The following LRRC41 variants were observed in gnomAD, a reference collection of about 807,000 sequenced individuals.
LRRC41 encodes the protein leucine-rich repeat-containing protein 41.
Under a neutral mutation model 72.1 loss-of-function variants are expected in LRRC41, and 17 were observed. The observed-to-expected ratio is 0.24, with a 90% CI of 0.16 to 0.35. The LOEUF (loss-of-function observed/expected upper bound fraction) is 0.35. LRRC41 is among the 10% of genes least tolerant of loss of function. The probability of loss-of-function intolerance (pLI) is 1.00; values close to 1 mark genes in which losing one functional copy is unlikely to be tolerated. For missense variants in LRRC41, 759 were observed against 1,065.0 expected, an observed-to-expected ratio of 0.71 and a Z score of 4.00; for synonymous variants, 427 against 431.0, an observed-to-expected ratio of 0.99 and a Z score of 0.11.
In LRRC41 at chr1:46,303,413, G is replaced by T; in HGVS notation, c.-91C>A. 8.5e-7 allele frequency: 1 copy of T among 1,171,946 alleles called. No individual in the cohort carries two copies. Among genetic ancestry groups the T allele is most frequent in the Non-Finnish European group, 1.2e-6 (1 of 862,160 alleles). The allele number at this position is 1,171,946 out of a possible 1,614,324, so 72.6% of individuals were successfully genotyped here. A position where few individuals can be genotyped will look rare whatever the true frequency, so the allele number is the denominator to read the frequency against. On this transcript the variant is annotated 5_prime_UTR_variant, in exon 1 of 10. Coordinates refer to ENST00000617190, the MANE Select transcript of LRRC41 (RefSeq NM_006369.5). ...AGGACGGCTCCATAAGCGATATGGG[G>T]AAGAATGTGAATTATTCTAAAGAAA...
chr1:46,296,271 G>C (rs1661124767), intron 3 of LRRC41, among the ~76,000 whole-genome samples: 1 of 152,168 alleles, frequency 6.6e-6, no homozygotes, highest in Non-Finnish European at 1.5e-5. Context: ...AAAAAAATTA[G>C]CTGGGTGTGG....
rs772091919 is a variant in LRRC41, at chr1:46,286,807, G to T, written c.358-308C>A. Among the ~76,000 whole-genome samples, 5 of 152,062 alleles carry T rather than the reference G, an allele frequency of 3.3e-5. No homozygotes were observed. Among genetic ancestry groups the T allele is most frequent in the Non-Finnish European group, 7.4e-5 (5 of 68,006 alleles). On this transcript the variant is annotated intron_variant, in intron 3 of 9. Coordinates refer to ENST00000617190, the MANE Select transcript of LRRC41 (RefSeq NM_006369.5). This position sits in a 1 kb window ranked among gnomAD's most constrained non-coding sequence, Gnocchi z 5.5. Reference sequence around the variant, plus strand: ...GTAAGTTCTTCCATGTTTGTTTCTAGAACCTTATCCCAATTTTTTTTTTCT... The same window carrying T: ...GTAAGTTCTTCCATGTTTGTTTCTATAACCTTATCCCAATTTTTTTTTTCT...
chr1:46,299,149 A>C (rs1403538516), intron 1 of LRRC41: 1 of 152,258 alleles, frequency 6.6e-6, no homozygotes, highest in Non-Finnish European at 1.5e-5. Flanking sequence ...TAGTGTCTAA[A>C]GGGTTTGGCC....
chr1:46,279,529 G>A lies in LRRC41; in HGVS notation c.2106C>T (p.Ser702=), dbSNP rs1161482785. 1.9e-6 allele frequency: 3 copies of A among 1,614,228 alleles called. No individual in the cohort carries two copies. The highest frequency in any genetic ancestry group is 2.5e-6 in the Non-Finnish European group (3 of 1,180,034). The stretch of plus-strand genomic sequence containing the variant: ...CTGGCAGCCGGAGGCCCTTCAGTGT[G>A]GAGTTGCCCTTCATAGCAGCAACCA... The part of the protein sequence containing the change: ...PEMVAAMKGN[S]TLKGLRLPGN... Residue 702 remains serine, a synonymous_variant, in exon 8 of 10, where the codon TCC becomes TCT. Transcript: ENST00000617190. This position sits in a 1 kb window ranked among gnomAD's most constrained non-coding sequence, Gnocchi z 4.5.
At chr1:46,298,259 GAGAA>G (rs765430172) in intron 2 of LRRC41, 21 bp downstream of exon 2, 1 of 1,479,344 alleles carries the variant, frequency 6.8e-7, no homozygotes, top group Admixed American at 1.8e-5. Context: ...ATCATTGACT[GAGAA>G]AGAGACAGAA....
rs1322059591 is a variant in LRRC41 at position 46,279,113 on chromosome 1, A to G, written c.2220-29T>C. 2 of 1,610,200 alleles carry G rather than the reference A, an allele frequency of 1.2e-6. No homozygotes were observed. Among genetic ancestry groups the G allele is most frequent in the Non-Finnish European group, 1.7e-6 (2 of 1,177,324 alleles). ...GTAGGGTGAGATGGATTAGATATCC[A>G]GGAAGCAGTGAATTCCTGGTCTATA... On this transcript the variant is annotated intron_variant, in intron 9 of 9. Coordinates refer to ENST00000617190, the MANE Select transcript of LRRC41 (RefSeq NM_006369.5). This position sits in a 1 kb window ranked among gnomAD's most constrained non-coding sequence, Gnocchi z 4.5.
Position 46,286,145 on chromosome 1 carries a change from G to C in LRRC41, c.712C>G (p.Pro238Ala). 3 of 1,614,240 alleles carry C rather than the reference G, an allele frequency of 1.9e-6. No homozygotes were observed. The highest frequency in any genetic ancestry group is 2.5e-6 in the Non-Finnish European group (3 of 1,180,032). Residue 238 changes from proline (P) to alanine (A), a missense_variant, in exon 4 of 10, where the codon CCT becomes GCT. Physicochemically the swap from Pro to Ala is conservative, Grantham distance 27. Transcript: ENST00000617190. The surrounding 1 kb of genome is among the most constrained non-coding windows in gnomAD (Gnocchi z 5.5). Reference sequence around the variant, plus strand: ...ATAAGGATGAAAAGGGCTGACTCAGGCACAGGCCAGGAGTATAGCGACACT... The same window carrying C: ...ATAAGGATGAAAAGGGCTGACTCAGCCACAGGCCAGGAGTATAGCGACACT... ...SQVSLYSWPVPESALFILILT... is the reference protein window; with the variant it reads ...SQVSLYSWPVAESALFILILT...
In LRRC41 at chr1:46,281,480, A is replaced by G. The variant is rs137938689; in HGVS notation, c.1496-95T>C. ...CTCCAAATACTTTTGGTTACTAGCA[A>G]ATCTCTTGGGCTTTGGCTCAGCTTA... On this transcript the variant is annotated intron_variant, in intron 4 of 9. Transcript: ENST00000617190. 22 of 1,222,332 alleles carry G rather than the reference A, an allele frequency of 1.8e-5. No individual in the cohort carries two copies. The East Asian group carries it at 5.2e-4, about 29-fold the overall frequency. The allele number at this position is 1,222,332 out of a possible 1,614,324, so 75.7% of individuals were successfully genotyped here.
rs1291641509 is a variant in LRRC41, at chr1:46,281,325, C to A, written c.1556G>T (p.Gly519Val). ...DSLRALSGQA[G>V]CRLRALHLSD... ...GAGATGCAGGGCACGGAGGCGACAT[C>A]CAGCCTGGCCTGACAGGGCCCGCAG... The change falls in exon 5 of 10, where the codon GGA becomes GTA. Residue 519 changes from glycine to valine, a missense_variant. Around this residue, in one of 4 missense-constraint regions of LRRC41, gnomAD observed 427 missense variants for 520.9 expected, o/e 0.82. Transcript: ENST00000617190. 1 of 1,614,156 alleles carries A rather than the reference C, an allele frequency of 6.2e-7. No homozygotes were observed. Among genetic ancestry groups the A allele is most frequent in the Non-Finnish European group, 8.5e-7 (1 of 1,180,006 alleles).
intron 3 of LRRC41, among the ~76,000 whole-genome samples, chr1:46,291,096 T>G (rs546104672): frequency 6.6e-6 from 1 of 151,480 alleles, no homozygotes; most frequent in Non-Finnish European, 1.5e-5. Context: ...AAATAAATTT[T>G]GTATTTTTGG....
At position 46,281,300 on chromosome 1, in the gene LRRC41, G is replaced by A; in HGVS notation, c.1581C>T (p.Leu527=). 6.2e-7 allele frequency: 1 copy of A among 1,614,210 alleles called. No individual in the cohort carries two copies. The highest frequency in any genetic ancestry group is 8.5e-7 in the Non-Finnish European group (1 of 1,180,032). Residue 527 remains leucine, a synonymous_variant, in exon 5 of 10, where the codon CTC becomes CTT. Transcript: ENST00000617190. ...QAGCRLRALH[L]SDLFSPLPIL... is the part of the protein sequence containing the mutation. ...TGGGCAGTGGTGAGAACAGGTCACT[G>A]AGATGCAGGGCACGGAGGCGACATC...
chr1:46,303,420 G>T lies in LRRC41; in HGVS notation c.-98C>A. ...CTCCATAAGCGATATGGGGAAGAAT[G>T]TGAATTATTCTAAAGAAATTTCGAA... On this transcript the variant is annotated 5_prime_UTR_variant, in exon 1 of 10. Transcript: ENST00000617190. 1 of 1,155,404 alleles carries T rather than the reference G, an allele frequency of 8.7e-7. No homozygotes were observed. The highest frequency in any genetic ancestry group is 1.6e-5 in the South Asian group (1 of 60,612). The allele number at this position is 1,155,404 out of a possible 1,614,324, so 71.6% of individuals were successfully genotyped here.
chr1:46,298,229 A>C, intron 2 of LRRC41, 55 bp downstream of exon 2: 1 of 1,286,456 alleles, frequency 7.8e-7, no homozygotes, highest in Non-Finnish European at 1.1e-6. Flanking sequence ...CCGGAAGAAC[A>C]TTATGGTGCC....
chr1:46,278,118 C>G lies in LRRC41; in HGVS notation c.*747G>C, dbSNP rs140793609. 31 of 1,613,984 alleles carry G rather than the reference C, an allele frequency of 1.9e-5. No individual in the cohort carries two copies. The highest frequency in any genetic ancestry group is 2.6e-5 in the Non-Finnish European group (31 of 1,179,948). ...CAACAGCCGTCAGATCCGGCCACCC[C>G]CTGATGGTTCTGACTGCACTTCAGA... is the stretch of plus-strand genomic sequence containing the variant. On this transcript the variant is annotated 3_prime_UTR_variant, in exon 10 of 10. Coordinates refer to ENST00000617190, the MANE Select transcript of LRRC41 (RefSeq NM_006369.5).
rs1295570862 is a variant in LRRC41 at position 46,280,388 on chromosome 1, G to GGTC, written c.1921+5_1921+7dup. 1 of 1,614,154 alleles carries GGTC rather than the reference G, an allele frequency of 6.2e-7. No homozygotes were observed. The highest frequency in any genetic ancestry group is 2.2e-5 in the East Asian group (1 of 44,888). On this transcript the variant is annotated splice_region_variant and intron_variant, in intron 6 of 9. Transcript: ENST00000617190. Reference sequence around the variant, plus strand: ...TCCTCTCCCTTCACCATTCTGGCTGGGTCCTACCTTTGAGTGTTTGCAAAA... The same window carrying GGTC: ...TCCTCTCCCTTCACCATTCTGGCTGGGTCGTCCTACCTTTGAGTGTTTGCAAAA...
intron 3 of LRRC41, among the ~76,000 whole-genome samples, chr1:46,295,871 A>G (rs1314747420): frequency 6.6e-6 from 1 of 152,210 alleles, no homozygotes; most frequent in East Asian, 1.9e-4. Flanking sequence ...CAGATTTGGA[A>G]GTGAATAAGC....
In LRRC41 at chr1:46,279,173, C is replaced by T. The variant is rs937246223; in HGVS notation, c.2219+9G>A. 3 of 1,614,082 alleles carry T rather than the reference C, an allele frequency of 1.9e-6. No homozygotes were observed. Among genetic ancestry groups the T allele is most frequent in the African/African-American group, 2.7e-5 (2 of 75,060 alleles). On this transcript the variant is annotated intron_variant, in intron 9 of 9. Coordinates refer to ENST00000617190, the MANE Select transcript of LRRC41 (RefSeq NM_006369.5). This position sits in a 1 kb window ranked among gnomAD's most constrained non-coding sequence, Gnocchi z 4.5. ...CCCCATCCCTTGTCTTGCCCCTCCC[C>T]TCATGTACCTGATGTCCAGCTGACA...
rs1346951279 is a variant in LRRC41, at chr1:46,302,025, G to C, written c.199+1099C>G. ...CCCACGTCGGACCCAAGTTTCCCTCGTCAGCGGCCAGGCCGCGGCCAGCGG... is the reference window on the plus strand; with the variant it reads ...CCCACGTCGGACCCAAGTTTCCCTCCTCAGCGGCCAGGCCGCGGCCAGCGG... On this transcript the variant is annotated intron_variant, in intron 1 of 9. Transcript: ENST00000617190. This position sits in a 1 kb window ranked among gnomAD's most constrained non-coding sequence, Gnocchi z 4.7. The C allele has an allele frequency of 1.0e-6, 1 of 985,202 alleles. No individual in the cohort carries two copies. The allele number at this position is 985,202 out of a possible 1,614,324, so 61.0% of individuals were successfully genotyped here.
At position 46,281,194 on chromosome 1, in the gene LRRC41, G is replaced by A. The variant is rs745757849; in HGVS notation, c.1687C>T (p.Arg563Trp). The A allele has an allele frequency of 5.6e-6, 9 of 1,614,042 alleles. No homozygotes were observed. The highest frequency in any genetic ancestry group is 4.5e-5 in the East Asian group (2 of 44,890). Residue 563 changes from arginine (R) to tryptophan (W), a missense_variant, in exon 5 of 10, where the codon CGG (arginine) becomes TGG (tryptophan). By Grantham distance (101) the Arg-to-Trp change is moderately radical. This residue lies in a region of LRRC41 where 427 missense variants were observed against 520.9 expected (regional missense o/e 0.82). Coordinates refer to ENST00000617190, the MANE Select transcript of LRRC41 (RefSeq NM_006369.5). Reference protein sequence around the residue: ...LSIRVDHPSQRDNPGVPGNAG... With the variant: ...LSIRVDHPSQWDNPGVPGNAG... ...TTCCCTGGCACACCAGGGTTGTCCC[G>A]CTGGCTTGGGTGGTCAACACGAATA... is the stretch of plus-strand genomic sequence containing the variant.
Sources: gnomAD v4.1 joint callset for allele counts (sites outside exome capture counted in the v4.1 genomes callset) on GRCh38, gnomAD v4.1.1 for gene constraint, gnomAD v4.1.1 regional missense constraint, Gnocchi (gnomAD v3.1) non-coding constraint, MANE v1.5 for transcripts, NCBI Gene and HGNC (gene_info 2026-07-23, HGNC 2026-07-21) for gene names.